Variants in ZFHX3 observed in about 807,000 individuals in gnomAD.
ZFHX3 encodes the protein zinc finger homeobox protein 3.
In ZFHX3, 42 loss-of-function variants were observed where a neutral mutation model predicts 279.1. The ratio of observed to expected loss-of-function variants is 0.15; its 90% confidence interval spans 0.12 to 0.19. The LOEUF is 0.19. Among genes scored for constraint, ZFHX3 ranks in the 10% least tolerant of loss-of-function variants. The pLI, the probability that ZFHX3 is intolerant of heterozygous loss-of-function variation, is 1.00. For missense variants in ZFHX3, 4,981 were observed against 4,754.0 expected (o/e 1.05, Z -1.40); for synonymous variants, 2,293 against 1,957.8 (o/e 1.17, Z -4.52).
chr16:72,979,025 C>T (rs1317240556), intron 1 of ZFHX3, among the ~76,000 whole-genome samples: 1 of 152,176 alleles, frequency 6.6e-6, no homozygotes, highest in Non-Finnish European at 1.5e-5. Flanking sequence ...TTGGTACCAA[C>T]ACCTTCCTGA....
intron 3 of ZFHX3, among the ~76,000 whole-genome samples, chr16:73,453,557 TC>T (rs2018316885): frequency 6.6e-6 from 1 of 152,286 alleles, no homozygotes; most frequent in South Asian, 2.1e-4. Flanking sequence ...GTTTTAACCA[TC>T]CTGGCCCAGG....
At chr16:73,287,961 C>T (rs1023396806) in intron 4 of ZFHX3, among the ~76,000 whole-genome samples, 1 of 152,084 alleles carries the variant, frequency 6.6e-6, no homozygotes, top group African/African-American at 2.4e-5. Context: ...GAGGAGCCCT[C>T]CTCCAAGCCT....
chr16:73,373,398 C>T (rs188488552), intron 3 of ZFHX3, among the ~76,000 whole-genome samples: 147 of 152,284 alleles, frequency 9.7e-4, no homozygotes, highest in African/African-American at 3.3e-3. Context: ...AAATGGTCCT[C>T]AGGAGATGGA....
chr16:73,811,242 C>T (rs1960415805), intron 1 of ZFHX3, among the ~76,000 whole-genome samples: 1 of 152,104 alleles, frequency 6.6e-6, no homozygotes, highest in South Asian at 2.1e-4. Context: ...CCACAGCTAG[C>T]TCTTACCTGA....
rs534306094 is a variant in ZFHX3 at position 72,857,016 on chromosome 16, C to T, written c.3449-27157G>A. On this transcript the variant is annotated intron_variant, in intron 4 of 9. Coordinates refer to ENST00000268489, the MANE Select transcript of ZFHX3 (RefSeq NM_006885.4). The stretch of plus-strand genomic sequence containing the variant: ...GGTGATGCTTCAGATCACACCTCCA[C>T]AGGAGCTAAATGCAGCCTTATGTTT... Among the ~76,000 whole-genome samples, 199 of 152,348 alleles carry T rather than the reference C, an allele frequency of 1.3e-3. 1 individual carries two copies. Among genetic ancestry groups the T allele is most frequent in the African/African-American group, 4.5e-3 (187 of 41,584 alleles).
intron 1 of ZFHX3, among the ~76,000 whole-genome samples, chr16:73,739,386 C>T (rs754947419): frequency 2.2e-4 from 34 of 152,110 alleles, no homozygotes; most frequent in Non-Finnish European, 4.3e-4. Context: ...CTGTGCATTA[C>T]GAGTTATTTA....
chr16:73,593,650 T>C (rs1273670260), intron 2 of ZFHX3, among the ~76,000 whole-genome samples: 2 of 151,586 alleles, frequency 1.3e-5, no homozygotes, highest in Non-Finnish European at 2.9e-5. Flanking sequence ...GGAAGGAAAT[T>C]ATATGCAAAT....
At chr16:73,626,793 C>G (rs768275231) in intron 2 of ZFHX3, among the ~76,000 whole-genome samples, 1 of 152,196 alleles carries the variant, frequency 6.6e-6, no homozygotes, top group African/African-American at 2.4e-5. Context: ...CAACTCATAT[C>G]TGGGGCTCTA....
chr16:72,851,094 C>G (rs1471692320), intron 4 of ZFHX3, among the ~76,000 whole-genome samples: 1 of 152,066 alleles, frequency 6.6e-6, no homozygotes, highest in Non-Finnish European at 1.5e-5. Context: ...ATAGAAAGTG[C>G]CATTTTTTTC....
chr16:73,275,754 C>T (rs1334111653), intron 4 of ZFHX3, among the ~76,000 whole-genome samples: 1 of 152,190 alleles, frequency 6.6e-6, no homozygotes, highest in African/African-American at 2.4e-5. Context: ...GAAGGGAGCA[C>T]ATGCTCTTGG....
At chr16:73,008,532 G>A (rs1260150146) in intron 1 of ZFHX3, among the ~76,000 whole-genome samples, 1 of 152,190 alleles carries the variant, frequency 6.6e-6, no homozygotes, top group East Asian at 1.9e-4. Context: ...ACTCCTTGTA[G>A]AAGGGATATA....
At chr16:73,230,389 G>A (rs1278205190) in intron 5 of ZFHX3, among the ~76,000 whole-genome samples, 5 of 152,146 alleles carry the variant, frequency 3.3e-5, no homozygotes, top group African/African-American at 1.2e-4. Context: ...CAGAAAATTA[G>A]TCAGTCTCGA....
chr16:72,880,559 A>G (rs773639124), intron 4 of ZFHX3, among the ~76,000 whole-genome samples: 1 of 152,132 alleles, frequency 6.6e-6, no homozygotes, highest in Non-Finnish European at 1.5e-5. Flanking sequence ...GAGAAAATAC[A>G]CTTCTTTTGT....
At chr16:73,455,957 G>T (rs1180464496) in intron 3 of ZFHX3, 1 of 151,932 alleles carries the variant, frequency 6.6e-6, no homozygotes, top group Non-Finnish European at 1.5e-5. Context: ...TTTTATTGTT[G>T]TTCTTCTTCA....
chr16:73,771,072 C>T (rs763261493), intron 1 of ZFHX3, among the ~76,000 whole-genome samples: 1 of 152,136 alleles, frequency 6.6e-6, no homozygotes, highest in Non-Finnish European at 1.5e-5. Context: ...ACAAGATGAG[C>T]TCTAAAGCTC....
intron 1 of ZFHX3, among the ~76,000 whole-genome samples, chr16:73,832,539 G>GT (rs1401585973): frequency 6.6e-6 from 1 of 151,980 alleles, no homozygotes; most frequent in Non-Finnish European, 1.5e-5. Flanking sequence ...CCCTTTTTAA[G>GT]TTTTTTTATT....
At chr16:73,089,945 C>T (rs1157018972) in intron 8 of ZFHX3, among the ~76,000 whole-genome samples, 1 of 152,224 alleles carries the variant, frequency 6.6e-6, no homozygotes, top group Non-Finnish European at 1.5e-5. Context: ...CCAGATCCTA[C>T]ACACAATGCA....
At chr16:73,609,788 C>T (rs906979817) in intron 2 of ZFHX3, 1 of 152,098 alleles carries the variant, frequency 6.6e-6, no homozygotes, top group Non-Finnish European at 1.5e-5. Flanking sequence ...AAATTCACAC[C>T]CAATCAAGTT....
intron 3 of ZFHX3, among the ~76,000 whole-genome samples, chr16:73,357,342 TGA>T (rs894283150): frequency 2.7e-5 from 4 of 149,962 alleles, no homozygotes; most frequent in African/African-American, 9.7e-5. Context: ...TAACAAAAAT[TGA>T]GAGAGAGAGA....
Sources: allele counts gnomAD v4.1 joint callset (sites outside exome capture counted in the v4.1 genomes callset), GRCh38; gene constraint gnomAD v4.1.1; transcripts MANE v1.5; gene names NCBI Gene and HGNC (gene_info 2026-07-23, HGNC 2026-07-21).